NDUFAF5: variants seen among roughly 807,000 people sequenced by gnomAD.
NDUFAF5 encodes NADH:ubiquinone oxidoreductase complex assembly factor 5, also known as arginine-hydroxylase NDUFAF5, mitochondrial.
In NDUFAF5, 34 loss-of-function variants were observed where a neutral mutation model predicts 48.9. The ratio of observed to expected loss-of-function variants is 0.70; its 90% confidence interval spans 0.53 to 0.93. The LOEUF (loss-of-function observed/expected upper bound fraction) is 0.93, where lower values mean the gene tolerates loss of function less well. Ranked by LOEUF, NDUFAF5 falls within the 40% of genes least tolerant of loss-of-function variation. NDUFAF5 has a pLI of 0.00. For synonymous variants in NDUFAF5, 153 were observed against 150.6 expected (o/e 1.02, Z -0.12); for missense variants, 428 against 427.5 (o/e 1.00, Z -0.01).
chr20:13,815,922 C>T (rs1986400047), intron 8 of NDUFAF5: 1 of 152,998 alleles, frequency 6.5e-6, no homozygotes, highest in Non-Finnish European at 1.4e-5. Flanking sequence ...AAAGAATGCA[C>T]ATAATTCTTT....
At chr20:13,811,842 A>G (rs1302470430) in intron 8 of NDUFAF5, among the ~76,000 whole-genome samples, 1 of 152,166 alleles carries the variant, frequency 6.6e-6, no homozygotes, top group Admixed American at 6.5e-5. Flanking sequence ...ATTTCGATGA[A>G]TGGGGGAAGC....
At chr20:13,812,360 C>T (rs535678628) in intron 8 of NDUFAF5, among the ~76,000 whole-genome samples, 34 of 152,266 alleles carry the variant, frequency 2.2e-4, no homozygotes, top group African/African-American at 7.7e-4. Context: ...ACCCCTTCCC[C>T]AGCATACCCC....
chr20:13,809,065 A>T, intron 8 of NDUFAF5, 163 bp downstream of exon 8: 2 of 632,110 alleles, frequency 3.2e-6, no homozygotes, highest in Non-Finnish European at 2.8e-6. Flanking sequence ...GACTGTCTTC[A>T]TGGAGCTTCT....
intron 3 of NDUFAF5, 82 bp from the exon 4 acceptor site, chr20:13,793,098 A>T (rs1188916459): frequency 2.1e-6 from 3 of 1,452,854 alleles, no homozygotes; most frequent in Non-Finnish European, 1.9e-6. Context: ...ATTAAAATGT[A>T]ATTAACACTT....
rs1258781669 is a variant in NDUFAF5, at chr20:13,820,299, AAGTACCTGTGAGGGAAGT to A, written c.*3090_*3107del. ...AAGTTACAGAAGTGTGTGAGTCATGAAGTACCTGTGAGGGAAGTTTATATATTTTTTCAAACTCTTTTA... is the reference window on the plus strand; with the variant it reads ...AAGTTACAGAAGTGTGTGAGTCATGATTATATATTTTTTCAAACTCTTTTA... On this transcript the variant is annotated 3_prime_UTR_variant, in exon 11 of 11. Coordinates refer to ENST00000378106, the MANE Select transcript of NDUFAF5 (RefSeq NM_024120.5). The A allele has an allele frequency of 1.3e-5, 2 of 152,220 alleles. No individual in the cohort carries two copies. The highest frequency in any genetic ancestry group is 4.8e-5 in the African/African-American group (2 of 41,458). 9.4% of individuals were successfully genotyped at this position (152,220 alleles called of 1,614,324 possible). A position where few individuals can be genotyped will look rare whatever the true frequency, so the allele number is the denominator to read the frequency against.
In NDUFAF5 at chr20:13,801,533, T is replaced by G; in HGVS notation, c.567T>G (p.Phe189Leu). ...KPDGVFIGAM[F>L]GGDTLYELRC... ...ATGGAGTGTTTATCGGTGCAATGTT[T>G]GGAGGCGACACACTCTATGAACTTC... The change falls in exon 7 of 11, where the codon TTT (phenylalanine) becomes TTG (leucine). Residue 189 changes from phenylalanine (F) to leucine (L), a missense_variant. Coordinates refer to ENST00000378106, the MANE Select transcript of NDUFAF5 (RefSeq NM_024120.5). The G allele has an allele frequency of 6.2e-7, 1 of 1,614,034 alleles. No individual in the cohort carries two copies. The highest frequency in any genetic ancestry group is 1.1e-5 in the South Asian group (1 of 91,078).
chr20:13,820,580 G>A lies in NDUFAF5; in HGVS notation c.*3370G>A, dbSNP rs1986918253. 1 of 152,118 alleles carries A rather than the reference G, an allele frequency of 6.6e-6. No individual in the cohort carries two copies. The highest frequency in any genetic ancestry group is 2.1e-4 in the South Asian group (1 of 4,820). The allele number at this position is 152,118 out of a possible 1,614,324, so 9.4% of individuals were successfully genotyped here. ...ATGGTGGCACAAGCCTGTGGTCCCAGCTACTCAGAAGGCTGAGGTGGGAGT... is the reference window on the plus strand; with the variant it reads ...ATGGTGGCACAAGCCTGTGGTCCCAACTACTCAGAAGGCTGAGGTGGGAGT... On this transcript the variant is annotated 3_prime_UTR_variant, in exon 11 of 11. Transcript: ENST00000378106.
intron 7 of NDUFAF5, among the ~76,000 whole-genome samples, chr20:13,805,418 T>A (rs1266755662): frequency 6.6e-6 from 1 of 152,242 alleles, no homozygotes; most frequent in Non-Finnish European, 1.5e-5. Context: ...AAAGCCTACA[T>A]TTCTATTAAT....
At position 13,813,686 on chromosome 20, in the gene NDUFAF5, T is replaced by C. The variant is rs141665981; in HGVS notation, c.779-2777T>C. Among the ~76,000 whole-genome samples the C allele has an allele frequency of 9.7e-4, 148 of 152,322 alleles. 1 individual carries two copies. Among genetic ancestry groups the C allele is most frequent in the African/African-American group, 3.1e-3 (130 of 41,578 alleles). ...AATCTGCTTAGGGGGTCAGGAATGC[T>C]TTTGCAAAAGAGGCAGCACCTAAAC... On this transcript the variant is annotated intron_variant, in intron 8 of 10. Coordinates refer to ENST00000378106, the MANE Select transcript of NDUFAF5 (RefSeq NM_024120.5).
At chr20:13,806,045 C>T (rs547275748) in intron 7 of NDUFAF5, among the ~76,000 whole-genome samples, 62 of 152,150 alleles carry the variant, frequency 4.1e-4, no homozygotes, top group Non-Finnish European at 7.9e-4. Flanking sequence ...ATTACTTTTA[C>T]GCTACAATGG....
chr20:13,812,635 A>G (rs751719306), intron 8 of NDUFAF5, among the ~76,000 whole-genome samples: 3 of 152,284 alleles, frequency 2.0e-5, no homozygotes, highest in Non-Finnish European at 4.4e-5. Context: ...GCTTAGTGCA[A>G]TTCTCTGAGG....
At chr20:13,807,329 A>T (rs1476659386) in intron 7 of NDUFAF5, among the ~76,000 whole-genome samples, 1 of 152,088 alleles carries the variant, frequency 6.6e-6, no homozygotes, top group Non-Finnish European at 1.5e-5. Flanking sequence ...TACAGGCATG[A>T]GCCATCGTGC....
At chr20:13,802,090 C>T (rs1984252575) in intron 7 of NDUFAF5, among the ~76,000 whole-genome samples, 1 of 151,968 alleles carries the variant, frequency 6.6e-6, no homozygotes, top group African/African-American at 2.4e-5. Flanking sequence ...CAAACAGTGC[C>T]ATATGAAGCA....
intron 1 of NDUFAF5, among the ~76,000 whole-genome samples, chr20:13,785,934 T>C (rs970003605): frequency 6.6e-6 from 1 of 152,212 alleles, no homozygotes; most frequent in Non-Finnish European, 1.5e-5. Context: ...AAATTACATA[T>C]GTGGCTCTCA....
At position 13,819,732 on chromosome 20, in the gene NDUFAF5, C is replaced by G. The variant is rs1986852536; in HGVS notation, c.*2522C>G. 1 of 152,246 alleles carries G rather than the reference C, an allele frequency of 6.6e-6. No homozygotes were observed. Among genetic ancestry groups the G allele is most frequent in the African/African-American group, 2.4e-5 (1 of 41,466 alleles). The allele number at this position is 152,246 out of a possible 1,614,324, so 9.4% of individuals were successfully genotyped here. A position where few individuals can be genotyped will look rare whatever the true frequency, so the allele number is the denominator to read the frequency against. On this transcript the variant is annotated 3_prime_UTR_variant, in exon 11 of 11. Coordinates refer to ENST00000378106, the MANE Select transcript of NDUFAF5 (RefSeq NM_024120.5). ...CTCAAGTTGTCTGTATTGCTTCTTC[C>G]CAGACTGGTCCCAAGAATGCTGTGG...
Position 13,788,595 on chromosome 20 carries a change from C to T in NDUFAF5, c.270C>T (p.Phe90=), listed in dbSNP as rs1182874719. 1.9e-6 allele frequency: 3 copies of T among 1,610,190 alleles called. No individual in the cohort carries two copies. Among genetic ancestry groups the T allele is most frequent in the Non-Finnish European group, 2.5e-6 (3 of 1,176,730 alleles). The part of the protein sequence containing the change: ...ADRVYDIPRN[F]PLALDLGCGR... The stretch of plus-strand genomic sequence containing the variant: ...TCTGTGTCTTTTTTTTTAGAAATTT[C>T]CCCCTTGCTTTGGATCTTGGTTGTG... The change falls in exon 3 of 11, where the codon TTC becomes TTT. Residue 90 remains phenylalanine, a synonymous_variant. Transcript: ENST00000378106.
At chr20:13,790,576 C>T (rs78472568) in intron 3 of NDUFAF5, among the ~76,000 whole-genome samples, 1,897 of 152,222 alleles carry the variant, frequency 0.012, 11 homozygotes, top group Non-Finnish European at 0.018. Context: ...AAAGTATCCT[C>T]GTAAAACACA....
intron 3 of NDUFAF5, among the ~76,000 whole-genome samples, chr20:13,790,786 A>G (rs947511302): frequency 2.6e-5 from 4 of 152,118 alleles, no homozygotes; most frequent in African/African-American, 7.2e-5. Flanking sequence ...GCTTTGCTCT[A>G]TGCTCTTCCC....
At chr20:13,791,759 A>G (rs1482473723) in intron 3 of NDUFAF5, among the ~76,000 whole-genome samples, 1 of 152,212 alleles carries the variant, frequency 6.6e-6, no homozygotes, top group Admixed American at 6.5e-5. Flanking sequence ...TCCTGTTCGC[A>G]TGCACTCTGG....
Sources: gnomAD v4.1 joint callset for allele counts (sites outside exome capture counted in the v4.1 genomes callset) on GRCh38, gnomAD v4.1.1 for gene constraint, MANE v1.5 for transcripts, NCBI Gene and HGNC (gene_info 2026-07-23, HGNC 2026-07-21) for gene names.